The following CHN1 variants were observed in gnomAD, a reference collection of about 807,000 sequenced individuals.
CHN1 encodes the protein N-chimaerin.
In CHN1, 37 loss-of-function variants were observed where a neutral mutation model predicts 59.5. The observed-to-expected ratio is 0.62, with a 90% CI of 0.48 to 0.82. The LOEUF (loss-of-function observed/expected upper bound fraction) is 0.82, where lower values mean the gene tolerates loss of function less well. Among genes scored for constraint, CHN1 ranks in the 40% least tolerant of loss-of-function variants. The pLI is 0.00. For missense variants in CHN1, 469 were observed against 571.0 expected, an observed-to-expected ratio of 0.82 and a Z score of 1.82; for synonymous variants, 206 against 200.4, an observed-to-expected ratio of 1.03 and a Z score of -0.24.
chr2:174,809,835 G>T (rs781402229), intron 10 of CHN1, among the ~76,000 whole-genome samples: 1 of 152,148 alleles, frequency 6.6e-6, no homozygotes, highest in Non-Finnish European at 1.5e-5. Context: ...AAGCTGATGA[G>T]ATTTTATTTG....
At chr2:174,915,966 C>T (rs1688836846) in intron 4 of CHN1, among the ~76,000 whole-genome samples, 2 of 152,178 alleles carry the variant, frequency 1.3e-5, no homozygotes, top group Admixed American at 6.5e-5. Context: ...GGACATGTCA[C>T]CCCAAAATAT....
At chr2:174,945,532 G>C (rs1339290167) in intron 2 of CHN1, among the ~76,000 whole-genome samples, 1 of 152,020 alleles carries the variant, frequency 6.6e-6, no homozygotes, top group Admixed American at 6.6e-5. Context: ...ATCATTTTTA[G>C]GGCATCTGAA....
At chr2:174,866,122 T>C (rs1480611092) in intron 6 of CHN1, among the ~76,000 whole-genome samples, 1 of 152,176 alleles carries the variant, frequency 6.6e-6, no homozygotes, top group African/African-American at 2.4e-5. Context: ...AGTGTTTCTA[T>C]TTAAAGAGTA....
At chr2:174,960,213 C>A (rs1052136771) in intron 1 of CHN1, among the ~76,000 whole-genome samples, 1 of 152,142 alleles carries the variant, frequency 6.6e-6, no homozygotes, top group East Asian at 1.9e-4. Flanking sequence ...TTTAGAAATT[C>A]ATTGTAAACA....
At chr2:174,865,252 CT>C (rs2105457899) in intron 6 of CHN1, among the ~76,000 whole-genome samples, 1 of 152,240 alleles carries the variant, frequency 6.6e-6, no homozygotes, top group African/African-American at 2.4e-5. Context: ...CTGAACCATG[CT>C]TCAACTTCCT....
At chr2:174,830,232 CA>C (rs138064942) in intron 7 of CHN1, among the ~76,000 whole-genome samples, 18 of 148,600 alleles carry the variant, frequency 1.2e-4, no homozygotes, top group Admixed American at 1.1e-3. Flanking sequence ...GACTCTGTCT[CA>C]AAAAAAAATA....
At chr2:174,864,093 T>C (rs1231085870) in intron 6 of CHN1, among the ~76,000 whole-genome samples, 1 of 152,164 alleles carries the variant, frequency 6.6e-6, no homozygotes, top group Non-Finnish European at 1.5e-5. Flanking sequence ...TGACAAACTG[T>C]GTTAAAGACC....
chr2:174,948,479 G>C (rs906038362), intron 2 of CHN1, among the ~76,000 whole-genome samples: 1 of 152,116 alleles, frequency 6.6e-6, no homozygotes, highest in Non-Finnish European at 1.5e-5. Context: ...CCACAACTTA[G>C]ACTTCTTGCT....
intron 1 of CHN1, among the ~76,000 whole-genome samples, chr2:174,964,945 C>T (rs1257302127): frequency 6.6e-6 from 1 of 152,034 alleles, no homozygotes; most frequent in African/African-American, 2.4e-5. Flanking sequence ...TTTTGTGCTG[C>T]TTTTTCTCTA....
intron 6 of CHN1, among the ~76,000 whole-genome samples, chr2:174,870,672 C>T (rs1286086094): frequency 6.6e-6 from 1 of 152,066 alleles, no homozygotes; most frequent in Non-Finnish European, 1.5e-5. Flanking sequence ...TGCTTTGTAC[C>T]CCAAATGGTG....
chr2:174,813,893 A>G (rs368523315), intron 8 of CHN1, among the ~76,000 whole-genome samples: 13 of 152,350 alleles, frequency 8.5e-5, no homozygotes, highest in African/African-American at 2.9e-4. Context: ...GAGCCAATGC[A>G]TTCAGGTGCT....
intron 7 of CHN1, among the ~76,000 whole-genome samples, chr2:174,826,960 T>G (rs1423933168): frequency 6.6e-6 from 1 of 152,162 alleles, no homozygotes; most frequent in Non-Finnish European, 1.5e-5. Flanking sequence ...TTTAAATCGT[T>G]TAGAAGGTAG....
intron 1 of CHN1, among the ~76,000 whole-genome samples, chr2:175,000,881 T>C (rs1275224245): frequency 6.6e-6 from 1 of 152,176 alleles, no homozygotes; most frequent in African/African-American, 2.4e-5. Context: ...ATTACAGATG[T>C]GAGCCACCAT....
intron 6 of CHN1, among the ~76,000 whole-genome samples, chr2:174,850,281 CTAGCA>C (rs1483986772): frequency 3.3e-5 from 5 of 152,240 alleles, no homozygotes; most frequent in Non-Finnish European, 7.4e-5. Flanking sequence ...CACCTTGAAT[CTAGCA>C]TAGCAGCTTA....
intron 5 of CHN1, among the ~76,000 whole-genome samples, chr2:174,898,898 T>C (rs1189841734): frequency 6.6e-6 from 1 of 152,182 alleles, no homozygotes; most frequent in Admixed American, 6.5e-5. Context: ...TTACCTAGTA[T>C]TGCCACCCCA....
intron 5 of CHN1, among the ~76,000 whole-genome samples, chr2:174,908,119 C>T (rs182314457): frequency 1.9e-4 from 29 of 152,268 alleles, no homozygotes; most frequent in African/African-American, 6.7e-4. Context: ...AAGACTCTTG[C>T]ACATGTCACT....
Position 174,915,126 on chromosome 2 carries a change from A to C in CHN1, c.192T>G (p.Ile64Met), listed in dbSNP as rs1688809604. The C allele has an allele frequency of 5.6e-6, 9 of 1,612,500 alleles. No homozygotes were observed. Among genetic ancestry groups the C allele is most frequent in the Non-Finnish European group, 5.9e-6 (7 of 1,179,356 alleles). The change falls in exon 5 of 13, where the codon ATT becomes ATG. Residue 64 changes from isoleucine to methionine, a missense_variant. Physicochemically the swap from Ile to Met is conservative, Grantham distance 10. Transcript: ENST00000409900. ...GGATGAGGTAGCTCCCCTCAGCCAC[A>C]ATCAAGAGCTGGTCGGCTGCTTCTC... ...ISREAADQLL[I>M]VAEGSYLIRE...
chr2:174,995,151 C>A (rs192778194), intron 1 of CHN1, among the ~76,000 whole-genome samples: 24 of 152,224 alleles, frequency 1.6e-4, no homozygotes, highest in Admixed American at 1.6e-3. Context: ...CTATTATGTG[C>A]CAAACATTGA....
intron 3 of CHN1, among the ~76,000 whole-genome samples, chr2:174,941,611 G>T (rs912365662): frequency 4.6e-5 from 7 of 151,914 alleles, no homozygotes; most frequent in Non-Finnish European, 8.8e-5. Context: ...TTTTTATATA[G>T]TTGTGACTTT....
Sources: gnomAD v4.1 joint callset for allele counts (sites outside exome capture counted in the v4.1 genomes callset) on GRCh38, gnomAD v4.1.1 for gene constraint, MANE v1.5 for transcripts, NCBI Gene and HGNC (gene_info 2026-07-23, HGNC 2026-07-21) for gene names.